SMURF2: variants seen among roughly 807,000 people sequenced by gnomAD.
The protein encoded by SMURF2 is E3 ubiquitin-protein ligase SMURF2.
Under a neutral mutation model 109.6 loss-of-function variants are expected in SMURF2, and 48 were observed. The ratio of observed to expected loss-of-function variants is 0.44; its 90% confidence interval spans 0.35 to 0.56. The LOEUF (loss-of-function observed/expected upper bound fraction) is 0.56. Among genes scored for constraint, SMURF2 ranks in the 20% least tolerant of loss-of-function variants. SMURF2 has a pLI of 0.01. For synonymous variants in SMURF2, 288 were observed against 317.1 expected (o/e 0.91, Z 0.97); for missense variants, 575 against 909.0 (o/e 0.63, Z 4.72).
At chr17:64,582,638 G>A (rs782443158) in intron 7 of SMURF2, among the ~76,000 whole-genome samples, 8 of 151,792 alleles carry the variant, frequency 5.3e-5, no homozygotes, top group African/African-American at 9.7e-5. Context: ...TCGCTCTATC[G>A]CCCAGGCCGG....
At chr17:64,646,381 C>CTTT (rs201259541) in intron 1 of SMURF2, among the ~76,000 whole-genome samples, 2 of 114,460 alleles carry the variant, frequency 1.7e-5, no homozygotes. Flanking sequence ...TTTTTTCTTT[C>CTTT]TTTTTTTTTT....
chr17:64,556,032 C>T (rs782116040), intron 13 of SMURF2, 34 bp from the exon 14 acceptor site: 9 of 1,446,668 alleles, frequency 6.2e-6, no homozygotes, highest in Non-Finnish European at 6.6e-6. Context: ...ACTCGTTAGG[C>T]ACTACCCAGG....
At chr17:64,622,412 T>C (rs1267346387) in intron 1 of SMURF2, among the ~76,000 whole-genome samples, 1 of 152,218 alleles carries the variant, frequency 6.6e-6, no homozygotes, top group Non-Finnish European at 1.5e-5. Flanking sequence ...ACTTTTTACA[T>C]ACTGTAGAAC....
At chr17:64,616,387 C>T (rs1970121324) in intron 1 of SMURF2, among the ~76,000 whole-genome samples, 2 of 151,856 alleles carry the variant, frequency 1.3e-5, no homozygotes, top group South Asian at 4.2e-4. Context: ...CACGGTGGCT[C>T]TGCCTGCAAT....
At chr17:64,633,695 A>G (rs1970377318) in intron 1 of SMURF2, among the ~76,000 whole-genome samples, 1 of 152,180 alleles carries the variant, frequency 6.6e-6, no homozygotes, top group South Asian at 2.1e-4. Flanking sequence ...TCTGGTCCCT[A>G]CAATTCTGAG....
chr17:64,580,443 C>T (rs1036105944), intron 8 of SMURF2, among the ~76,000 whole-genome samples: 17 of 152,128 alleles, frequency 1.1e-4, no homozygotes, highest in Non-Finnish European at 1.9e-4. Context: ...TTCAGATTAC[C>T]GTTATCAGTA....
intron 16 of SMURF2, among the ~76,000 whole-genome samples, chr17:64,549,999 A>G (rs1969018426): frequency 6.6e-6 from 1 of 152,232 alleles, no homozygotes; most frequent in Admixed American, 6.5e-5. Context: ...GACACCTCCT[A>G]AATTCTTTTC....
In SMURF2 at chr17:64,543,069, C is replaced by G. The variant is rs1968897055; in HGVS notation, c.*2779G>C. 1 of 151,622 alleles carries G rather than the reference C, an allele frequency of 6.6e-6. No homozygotes were observed. Among genetic ancestry groups the G allele is most frequent in the Admixed American group, 6.6e-5 (1 of 15,230 alleles). 9.4% of individuals were successfully genotyped at this position (151,622 alleles called of 1,614,324 possible). A position where few individuals can be genotyped will look rare whatever the true frequency, so the allele number is the denominator to read the frequency against. The stretch of plus-strand genomic sequence containing the variant: ...AATAACAATACAGCTAGAGGGAAGA[C>G]AAGAAAAAACCAGTTAAGAGGGACA... On this transcript the variant is annotated 3_prime_UTR_variant, in exon 19 of 19. Coordinates refer to ENST00000262435, the MANE Select transcript of SMURF2 (RefSeq NM_022739.4).
rs879950189 is a variant in SMURF2, at chr17:64,565,866, TA to T, written c.1017-2901del. ...AAACATGCTTTTCAAGCAAAGGAAA[TA>T]AAAAAAAAAACTGACTAAAATGCTT... is the stretch of plus-strand genomic sequence containing the variant. On this transcript the variant is annotated intron_variant, in intron 10 of 18. Transcript: ENST00000262435. 5.5e-3 allele frequency among the ~76,000 whole-genome samples: 786 copies of T among 144,148 alleles called. 4 individuals carry two copies. The highest frequency in any genetic ancestry group is 0.016 in the African/African-American group (639 of 39,524). 94.6% of individuals were successfully genotyped at this position (144,148 alleles called of 152,430 possible). A position where few individuals can be genotyped will look rare whatever the true frequency, so the allele number is the denominator to read the frequency against.
At position 64,590,149 on chromosome 17, in the gene SMURF2, T is replaced by C. The variant is rs565138681; in HGVS notation, c.400+935A>G. The stretch of plus-strand genomic sequence containing the variant: ...TCCTATTGAATTTTTCTTTTCTTTT[T>C]TTTTTTTTTTGAGACAGGGTCTTGC... On this transcript the variant is annotated intron_variant, in intron 5 of 18. Coordinates refer to ENST00000262435, the MANE Select transcript of SMURF2 (RefSeq NM_022739.4). 5.3e-5 allele frequency among the ~76,000 whole-genome samples: 8 copies of C among 151,154 alleles called. No individual in the cohort carries two copies. The East Asian group carries it at 7.7e-4, about 15-fold the overall frequency.
chr17:64,648,657 A>G (rs1555693201), intron 1 of SMURF2, among the ~76,000 whole-genome samples: 1 of 152,174 alleles, frequency 6.6e-6, no homozygotes, highest in African/African-American at 2.4e-5. Flanking sequence ...CTATAGTCTC[A>G]GCTACTCAGG....
intron 1 of SMURF2, among the ~76,000 whole-genome samples, chr17:64,657,400 G>T (rs570743733): frequency 6.6e-6 from 1 of 152,106 alleles, no homozygotes; most frequent in South Asian, 2.1e-4. Flanking sequence ...CACCAAAAAA[G>T]GCTCAAATAG....
rs375759315 is a variant in SMURF2 at position 64,588,091 on chromosome 17, CAAA to C, written c.401-1924_401-1922del. Among the ~76,000 whole-genome samples, 483 of 68,866 alleles carry C rather than the reference CAAA, an allele frequency of 7.0e-3. 1 individual carries two copies. The highest frequency in any genetic ancestry group is 0.026 in the East Asian group (59 of 2,232). The allele number at this position is 68,866 out of a possible 152,430, so 45.2% of individuals were successfully genotyped here. On this transcript the variant is annotated intron_variant, in intron 5 of 18. Transcript: ENST00000262435. ...ATGCTATAGAAATGTGTTTATGGTC[CAAA>C]AAAAAAAAAAAAAAAGATGTTTATG...
chr17:64,645,054 T>C (rs1444016920), intron 1 of SMURF2, among the ~76,000 whole-genome samples: 1 of 149,210 alleles, frequency 6.7e-6, no homozygotes, highest in Non-Finnish European at 1.5e-5. Flanking sequence ...ACAGGAAGAC[T>C]AGGTGGGGAA....
Position 64,584,174 on chromosome 17 carries a change from C to T in SMURF2, c.486-630G>A, listed in dbSNP as rs190494047. On this transcript the variant is annotated intron_variant, in intron 6 of 18. Coordinates refer to ENST00000262435, the MANE Select transcript of SMURF2 (RefSeq NM_022739.4). ...CTCTATTAAAAATACAAAAATTAGCCGGGCGTGGTAGCATGCGCCTGTAAT... is the reference window on the plus strand; with the variant it reads ...CTCTATTAAAAATACAAAAATTAGCTGGGCGTGGTAGCATGCGCCTGTAAT... Among the ~76,000 whole-genome samples the T allele has an allele frequency of 2.7e-3, 401 of 151,300 alleles. 3 individuals carry two copies. Among genetic ancestry groups the T allele is most frequent in the African/African-American group, 9.4e-3 (386 of 41,264 alleles).
chr17:64,609,009 C>T (rs1013595463), intron 1 of SMURF2, among the ~76,000 whole-genome samples: 33 of 152,052 alleles, frequency 2.2e-4, no homozygotes, highest in Admixed American at 3.9e-4. Context: ...CAATAACAGA[C>T]AAACAGAGCC....
rs1970788505 is a variant in SMURF2, at chr17:64,662,036, G to C, written c.-156C>G. ...CGGATGTGCCGAGAGTCGTCGCCAT[G>C]AGCCGCGGAGGGAGCGGGACGCCGA... On this transcript the variant is annotated 5_prime_UTR_variant, in exon 1 of 19. Transcript: ENST00000262435. 1 of 1,116,034 alleles carries C rather than the reference G, an allele frequency of 9.0e-7. No homozygotes were observed. Among genetic ancestry groups the C allele is most frequent in the Middle Eastern group, 3.9e-4 (1 of 2,588 alleles). The allele number at this position is 1,116,034 out of a possible 1,614,324, so 69.1% of individuals were successfully genotyped here.
intron 1 of SMURF2, 69 bp from the exon 2 acceptor site, chr17:64,606,709 A>C (rs1396648016): frequency 8.9e-7 from 1 of 1,119,254 alleles, no homozygotes; most frequent in Non-Finnish European, 1.3e-6. Context: ...TTACATTTTA[A>C]AACACGGAAA....
Position 64,544,199 on chromosome 17 carries a change from G to C in SMURF2, c.*1649C>G, listed in dbSNP as rs1239983315. 1.3e-5 allele frequency: 2 copies of C among 152,036 alleles called. No individual in the cohort carries two copies. Among genetic ancestry groups the C allele is most frequent in the Non-Finnish European group, 2.9e-5 (2 of 68,022 alleles). The allele number at this position is 152,036 out of a possible 1,614,324, so 9.4% of individuals were successfully genotyped here. On this transcript the variant is annotated 3_prime_UTR_variant, in exon 19 of 19. Coordinates refer to ENST00000262435, the MANE Select transcript of SMURF2 (RefSeq NM_022739.4). ...AAAATGGGCTGTTCTGGGTAAAGGG[G>C]GTGGGGATATGGAGCCTAAGGCCCC...
Sources: gnomAD v4.1 joint callset for allele counts (sites outside exome capture counted in the v4.1 genomes callset) on GRCh38, gnomAD v4.1.1 for gene constraint, MANE v1.5 for transcripts, NCBI Gene and HGNC (gene_info 2026-07-23, HGNC 2026-07-21) for gene names.